The following COL26A1 variants were observed in gnomAD, a reference collection of about 807,000 sequenced individuals.
COL26A1 encodes collagen type XXVI alpha 1 chain, also known as collagen alpha-1(XXVI) chain.
In COL26A1, 41 loss-of-function variants were observed where a neutral mutation model predicts 59.3. That is an observed-to-expected ratio of 0.69 (90% CI 0.54 to 0.90). The LOEUF (loss-of-function observed/expected upper bound fraction) is 0.90, where lower values mean the gene tolerates loss of function less well. COL26A1 is among the 40% of genes least tolerant of loss of function. The probability of loss-of-function intolerance (pLI) is 0.00; values close to 1 mark genes in which losing one functional copy is unlikely to be tolerated. For missense variants in COL26A1, 612 were observed against 602.3 expected (o/e 1.02, Z -0.17); for synonymous variants, 266 against 256.0 (o/e 1.04, Z -0.37).
At chr7:101,524,355 A>G (rs537121125) in intron 3 of COL26A1, among the ~76,000 whole-genome samples, 1 of 152,226 alleles carries the variant, frequency 6.6e-6, no homozygotes, top group African/African-American at 2.4e-5. Flanking sequence ...AAAACCTTCT[A>G]TACAGTTGAG....
chr7:101,425,978 C>T (rs1792638399), intron 2 of COL26A1, among the ~76,000 whole-genome samples: 2 of 151,756 alleles, frequency 1.3e-5, no homozygotes, highest in African/African-American at 4.8e-5. Flanking sequence ...AGGTGTGTGC[C>T]ACCACACCTG....
intron 3 of COL26A1, among the ~76,000 whole-genome samples, chr7:101,518,710 G>A (rs188793102): frequency 2.6e-5 from 4 of 152,142 alleles, no homozygotes; most frequent in Non-Finnish European, 4.4e-5. Flanking sequence ...CGCTGAAACC[G>A]GCAAGATAAA....
chr7:101,427,443 T>A (rs1792675157), intron 2 of COL26A1, among the ~76,000 whole-genome samples: 1 of 151,990 alleles, frequency 6.6e-6, no homozygotes, highest in Admixed American at 6.6e-5. Flanking sequence ...GGGCAGATCA[T>A]TTGAGGTCAG....
At chr7:101,510,436 G>A (rs996760069) in intron 3 of COL26A1, among the ~76,000 whole-genome samples, 1 of 152,182 alleles carries the variant, frequency 6.6e-6, no homozygotes, top group African/African-American at 2.4e-5. Flanking sequence ...TGCAGGTAAG[G>A]CTGCACCTCA....
At chr7:101,495,072 A>G (rs1794552041) in intron 3 of COL26A1, among the ~76,000 whole-genome samples, 1 of 152,176 alleles carries the variant, frequency 6.6e-6, no homozygotes, top group South Asian at 2.1e-4. Flanking sequence ...CCTGGAGAAA[A>G]AGATCCTGAG....
At chr7:101,532,633 G>T (rs1795392817) in intron 3 of COL26A1, among the ~76,000 whole-genome samples, 1 of 152,092 alleles carries the variant, frequency 6.6e-6, no homozygotes, top group African/African-American at 2.4e-5. Context: ...ACTGGCTTTG[G>T]CATCCCCTTC....
At chr7:101,529,269 T>A (rs536893772) in intron 3 of COL26A1, among the ~76,000 whole-genome samples, 42 of 152,254 alleles carry the variant, frequency 2.8e-4, no homozygotes, top group Non-Finnish European at 5.3e-4. Flanking sequence ...ACCCAAATAT[T>A]TTTTGTTTTT....
chr7:101,489,921 G>C (rs200384600), intron 3 of COL26A1, among the ~76,000 whole-genome samples: 2 of 43,438 alleles, frequency 4.6e-5, no homozygotes, highest in South Asian at 6.6e-4. Flanking sequence ...TTTCTTTCTT[G>C]TCTCTCTCTC....
chr7:101,481,992 A>T (rs1171848647), intron 3 of COL26A1, among the ~76,000 whole-genome samples: 2 of 151,894 alleles, frequency 1.3e-5, no homozygotes, highest in African/African-American at 4.8e-5. Context: ...GATTATTATT[A>T]CACTAATATC....
At chr7:101,384,390 G>A (rs902614131) in intron 1 of COL26A1, among the ~76,000 whole-genome samples, 2 of 151,886 alleles carry the variant, frequency 1.3e-5, no homozygotes, top group Non-Finnish European at 2.9e-5. Context: ...GCTTCAGCCA[G>A]CTAAATTTTG....
At chr7:101,522,119 T>C (rs1317183028) in intron 3 of COL26A1, among the ~76,000 whole-genome samples, 1 of 152,194 alleles carries the variant, frequency 6.6e-6, no homozygotes, top group Non-Finnish European at 1.5e-5. Flanking sequence ...ATTTTGTGAA[T>C]GAATTTCGTG....
intron 5 of COL26A1, among the ~76,000 whole-genome samples, chr7:101,543,474 G>A (rs974212948): frequency 2.0e-5 from 3 of 152,130 alleles, no homozygotes; most frequent in East Asian, 3.9e-4. Flanking sequence ...TGGGCCAGAG[G>A]GAGAAAAGGC....
intron 3 of COL26A1, among the ~76,000 whole-genome samples, chr7:101,470,394 C>T (rs1005356736): frequency 6.6e-6 from 1 of 151,890 alleles, no homozygotes; most frequent in African/African-American, 2.4e-5. Flanking sequence ...ACGCCCAGCC[C>T]CGGGTAGCCC....
At chr7:101,546,630 G>A (rs1795742057) in intron 7 of COL26A1, among the ~76,000 whole-genome samples, 1 of 152,118 alleles carries the variant, frequency 6.6e-6, no homozygotes, top group Non-Finnish European at 1.5e-5. Flanking sequence ...CCTGGGTCTG[G>A]TTCAGGATTG....
intron 2 of COL26A1, among the ~76,000 whole-genome samples, chr7:101,441,535 CT>C (rs1793057368): frequency 6.6e-6 from 1 of 152,138 alleles, no homozygotes; most frequent in African/African-American, 2.4e-5. Flanking sequence ...CCAGGCTGGT[CT>C]CGAACTCCTG....
chr7:101,373,012 G>A (rs966361844), intron 1 of COL26A1, among the ~76,000 whole-genome samples: 1 of 152,156 alleles, frequency 6.6e-6, no homozygotes, highest in Non-Finnish European at 1.5e-5. Context: ...GGCAGGCAGA[G>A]GACAGGCACT....
chr7:101,463,895 TTCTTTCTTTTTCTTTCTC>T (rs748375658), intron 3 of COL26A1, among the ~76,000 whole-genome samples: 42,055 of 129,698 alleles, frequency 0.32, 7,319 homozygotes, highest in Middle Eastern at 0.42. Context: ...CTTTCTTTCT[TTCTTTCTTTTTCTTTCTC>T]TCTTTCTTTC....
intron 2 of COL26A1, among the ~76,000 whole-genome samples, chr7:101,444,870 G>A (rs979699576): frequency 6.6e-6 from 1 of 151,388 alleles, no homozygotes; most frequent in African/African-American, 2.4e-5. Context: ...TTGAGATGGA[G>A]TCTCACTCTT....
chr7:101,374,089 A>C (rs2898575), intron 1 of COL26A1, among the ~76,000 whole-genome samples: 5 of 151,996 alleles, frequency 3.3e-5, no homozygotes, highest in African/African-American at 9.7e-5. Flanking sequence ...TTCTGCAGAC[A>C]ATCCTACGGA....
Sources: allele counts gnomAD v4.1 joint callset (sites outside exome capture counted in the v4.1 genomes callset), GRCh38; gene constraint gnomAD v4.1.1; transcripts MANE v1.5; gene names NCBI Gene and HGNC (gene_info 2026-07-23, HGNC 2026-07-21).